Variants in ARHGEF26 observed in about 807,000 individuals in gnomAD.
The protein encoded by ARHGEF26 is Rho guanine nucleotide exchange factor 26.
In ARHGEF26, 59 loss-of-function variants were observed where a neutral mutation model predicts 89.4. That is an observed-to-expected ratio of 0.66 (90% CI 0.54 to 0.82). The LOEUF (loss-of-function observed/expected upper bound fraction) is 0.82. Ranked by LOEUF, ARHGEF26 falls within the 40% of genes least tolerant of loss-of-function variation. The pLI, the probability that ARHGEF26 is intolerant of heterozygous loss-of-function variation, is 0.00. For missense variants in ARHGEF26, 1,234 were observed against 1,085.6 expected, an observed-to-expected ratio of 1.14 and a Z score of -1.92; for synonymous variants, 500 against 428.4, an observed-to-expected ratio of 1.17 and a Z score of -2.06.
chr3:154,121,962 C>A lies in ARHGEF26; in HGVS notation c.-31C>A. 1 of 1,560,802 alleles carries A rather than the reference C, an allele frequency of 6.4e-7. No homozygotes were observed. The highest frequency in any genetic ancestry group is 8.7e-7 in the Non-Finnish European group (1 of 1,148,842). On this transcript the variant is annotated 5_prime_UTR_variant, in exon 2 of 15. Transcript: ENST00000465093. ...TTTAGGCAAGACTAACTCGGTGTTG[C>A]TCCTCCCGGCGCTGACTTCGAGGCC...
chr3:154,219,407 C>T (rs1310064768), intron 10 of ARHGEF26, among the ~76,000 whole-genome samples: 1 of 151,726 alleles, frequency 6.6e-6, no homozygotes, highest in Admixed American at 6.6e-5. Context: ...GCAGCCTGAC[C>T]AACGTGATGA....
At chr3:154,172,456 A>G (rs1576733919) in intron 6 of ARHGEF26, among the ~76,000 whole-genome samples, 2 of 152,364 alleles carry the variant, frequency 1.3e-5, no homozygotes, top group East Asian at 3.9e-4. Context: ...GCACTTTGGG[A>G]GGACAAGGCA....
At chr3:154,142,219 CT>C (rs967079020) in intron 4 of ARHGEF26, among the ~76,000 whole-genome samples, 130 of 144,904 alleles carry the variant, frequency 9.0e-4, no homozygotes, top group Non-Finnish European at 8.0e-4. Context: ...AAAACTTTTT[CT>C]TTTTTTTTTT....
chr3:154,250,962 TAGAGAG>T lies in ARHGEF26; in HGVS notation c.2301-2137_2301-2132del, dbSNP rs10535573. Among the ~76,000 whole-genome samples, 81 of 149,362 alleles carry T rather than the reference TAGAGAG, an allele frequency of 5.4e-4. 2 individuals carry two copies. In the South Asian group the frequency reaches 0.01, roughly 19 times the overall value. ...TATTGTAAAGCCCTTTGTCCTGTAT[TAGAGAG>T]AGAGAGAGAGAGAGAGGTTTTAAAA... On this transcript the variant is annotated intron_variant, in intron 12 of 14. Coordinates refer to ENST00000465093, the MANE Select transcript of ARHGEF26 (RefSeq NM_015595.4).
chr3:154,233,820 C>G lies in ARHGEF26; in HGVS notation c.2091-6550C>G, dbSNP rs1054973609. Among the ~76,000 whole-genome samples, 6 of 152,266 alleles carry G rather than the reference C, an allele frequency of 3.9e-5. No homozygotes were observed. The East Asian group carries it at 5.8e-4, about 15-fold the overall frequency. ...AAGCCATTTCACTGGCCTGTAAGCA[C>G]AAGGGTCTGAAAAAACGCAGGCAGC... On this transcript the variant is annotated intron_variant, in intron 11 of 14. Transcript: ENST00000465093.
Position 154,257,451 on chromosome 3 carries a change from A to G in ARHGEF26, c.*1978A>G, listed in dbSNP as rs1229264294. 6.6e-6 allele frequency: 1 copy of G among 152,242 alleles called. No homozygotes were observed. Among genetic ancestry groups the G allele is most frequent in the Non-Finnish European group, 1.5e-5 (1 of 68,082 alleles). 9.4% of individuals were successfully genotyped at this position (152,242 alleles called of 1,614,324 possible). On this transcript the variant is annotated 3_prime_UTR_variant, in exon 15 of 15. Coordinates refer to ENST00000465093, the MANE Select transcript of ARHGEF26 (RefSeq NM_015595.4). ...AAGGTAAATTTGTGCTTGCACGGGGATCATTTTGTATTATTTTTGCTAATA... is the reference window on the plus strand; with the variant it reads ...AAGGTAAATTTGTGCTTGCACGGGGGTCATTTTGTATTATTTTTGCTAATA...
chr3:154,191,821 A>G (rs950471633), intron 8 of ARHGEF26, among the ~76,000 whole-genome samples: 1 of 152,166 alleles, frequency 6.6e-6, no homozygotes, highest in African/African-American at 2.4e-5. Flanking sequence ...TAATGTTCCA[A>G]GGTGCCCTGG....
chr3:154,228,883 A>G (rs963785863), intron 11 of ARHGEF26, among the ~76,000 whole-genome samples: 1 of 152,210 alleles, frequency 6.6e-6, no homozygotes, highest in Non-Finnish European at 1.5e-5. Context: ...CTAGCCACCC[A>G]CTGCCTAATT....
At position 154,129,724 on chromosome 3, in the gene ARHGEF26, GTGTT is replaced by G. The variant is rs776234509; in HGVS notation, c.1269+7_1269+10del. 1.9e-6 allele frequency: 3 copies of G among 1,606,206 alleles called. No homozygotes were observed. The Admixed American group carries it at 5.1e-5, about 27-fold the overall frequency. On this transcript the variant is annotated splice_donor_region_variant and intron_variant, in intron 4 of 14. Coordinates refer to ENST00000465093, the MANE Select transcript of ARHGEF26 (RefSeq NM_015595.4). ...ACATGGAGCCAACTCTCTGCGGTGA[GTGTT>G]TATCTTCTTTTCTATCTGTGGTAGG...
At chr3:154,180,916 G>A (rs1389054803) in intron 6 of ARHGEF26, among the ~76,000 whole-genome samples, 2 of 152,130 alleles carry the variant, frequency 1.3e-5, no homozygotes, top group Admixed American at 6.5e-5. Flanking sequence ...AGTCTCTGGT[G>A]AAGGATTCAT....
chr3:154,178,490 T>C (rs948012697), intron 6 of ARHGEF26, among the ~76,000 whole-genome samples: 2 of 152,186 alleles, frequency 1.3e-5, no homozygotes, highest in African/African-American at 4.8e-5. Context: ...GAATAGAAAA[T>C]ATAAAATGTG....
At chr3:154,246,405 C>T (rs1026134370) in intron 12 of ARHGEF26, among the ~76,000 whole-genome samples, 2 of 152,192 alleles carry the variant, frequency 1.3e-5, no homozygotes, top group African/African-American at 4.8e-5. Flanking sequence ...TACCCCAGTG[C>T]TGTCTGTGGG....
chr3:154,161,858 C>T (rs1363775923), intron 6 of ARHGEF26, among the ~76,000 whole-genome samples: 1 of 152,146 alleles, frequency 6.6e-6, no homozygotes, highest in East Asian at 1.9e-4. Context: ...TTCCTTGAAT[C>T]AGTGCTTCAG....
chr3:154,203,208 AG>A (rs1559895933), intron 9 of ARHGEF26, among the ~76,000 whole-genome samples: 2 of 152,182 alleles, frequency 1.3e-5, no homozygotes, highest in African/African-American at 4.8e-5. Context: ...TTTAGCATGA[AG>A]GGTTGTTGAA....
At chr3:154,152,095 A>G (rs1720060137) in intron 5 of ARHGEF26, among the ~76,000 whole-genome samples, 1 of 152,342 alleles carries the variant, frequency 6.6e-6, no homozygotes, top group Non-Finnish European at 1.5e-5. Flanking sequence ...GTCTCTGCAG[A>G]GAGTCCTTTG....
chr3:154,152,259 A>T (rs1377707079), intron 5 of ARHGEF26, among the ~76,000 whole-genome samples: 1 of 152,200 alleles, frequency 6.6e-6, no homozygotes, highest in Non-Finnish European at 1.5e-5. Context: ...GCTGTTATTG[A>T]CTGAAAATTA....
intron 4 of ARHGEF26, among the ~76,000 whole-genome samples, chr3:154,133,666 G>C (rs1230970177): frequency 6.6e-6 from 1 of 151,850 alleles, no homozygotes; most frequent in Non-Finnish European, 1.5e-5. Context: ...TTATTCTTTT[G>C]CTTAGGATTT....
chr3:154,221,032 G>A (rs1362990622), intron 10 of ARHGEF26, among the ~76,000 whole-genome samples: 1 of 152,130 alleles, frequency 6.6e-6, no homozygotes, highest in East Asian at 1.9e-4. Flanking sequence ...AGAAGCTGGG[G>A]GAGAGGCCTG....
At chr3:154,126,028 C>T (rs769282020) in intron 3 of ARHGEF26, among the ~76,000 whole-genome samples, 7 of 152,096 alleles carry the variant, frequency 4.6e-5, no homozygotes, top group Non-Finnish European at 7.3e-5. Context: ...ATACTGTTGC[C>T]TAAGTTGTTG....
Sources: gnomAD v4.1 joint callset for allele counts (sites outside exome capture counted in the v4.1 genomes callset) on GRCh38, gnomAD v4.1.1 for gene constraint, MANE v1.5 for transcripts, NCBI Gene and HGNC (gene_info 2026-07-23, HGNC 2026-07-21) for gene names.